Variants in CFAP54 observed in about 807,000 individuals in gnomAD.
CFAP54 encodes the protein cilia and flagella associated protein 54.
CFAP54 carries 290 observed loss-of-function variants against 370.4 expected under a neutral mutation model. The ratio of observed to expected loss-of-function variants is 0.78; its 90% CI spans 0.71 to 0.86. The LOEUF (loss-of-function observed/expected upper bound fraction) is 0.86, where lower values mean the gene tolerates loss of function less well. CFAP54 is among the 40% of genes least tolerant of loss of function. CFAP54 has a pLI of 0.00. For missense variants in CFAP54, 3,399 were observed against 3,528.7 expected (o/e 0.96, Z 0.93); for synonymous variants, 1,206 against 1,236.5 (o/e 0.98, Z 0.52).
intron 17 of CFAP54, among the ~76,000 whole-genome samples, chr12:96,561,773 CTTT>C (rs376442763): frequency 1.1e-5 from 1 of 94,844 alleles, no homozygotes; most frequent in Non-Finnish European, 1.9e-5. Context: ...ATCACAAGTT[CTTT>C]TTTTTTTTTT....
At chr12:96,825,379 G>A (rs11108707) in intron 65 of CFAP54, among the ~76,000 whole-genome samples, 39,269 of 110,148 alleles carry the variant, frequency 0.36, 7,107 homozygotes, top group South Asian at 0.56. Context: ...TGTAACATGT[G>A]TTATATATTA....
Position 96,594,399 on chromosome 12 carries a change from C to A in CFAP54, c.3469C>A (p.Leu1157Ile). The change falls in exon 25 of 68, where the codon CTT becomes ATT. Residue 1157 changes from leucine (L) to isoleucine (I), a missense_variant. By Grantham distance (5) the Leu-to-Ile change is conservative. Transcript: ENST00000524981. Reference protein sequence around the residue: ...LQAVTQCYGLLAPIIYHNIVL... With the variant: ...LQAVTQCYGLIAPIIYHNIVL... The stretch of plus-strand genomic sequence containing the variant: ...AGCTGTGACTCAATGTTATGGACTT[C>A]TTGCTCCCATAATTTATCACAATAT... The A allele has an allele frequency of 6.5e-7, 1 of 1,534,008 alleles. No homozygotes were observed. Among genetic ancestry groups the A allele is most frequent in the Non-Finnish European group, 8.7e-7 (1 of 1,145,404 alleles).
intron 39 of CFAP54, among the ~76,000 whole-genome samples, chr12:96,665,877 G>A (rs1270903318): frequency 2.0e-5 from 3 of 152,146 alleles, no homozygotes; most frequent in Non-Finnish European, 4.4e-5. Flanking sequence ...TAGTTCAATA[G>A]GAATAGCAGT....
intron 39 of CFAP54, among the ~76,000 whole-genome samples, chr12:96,670,058 T>C (rs1251606235): frequency 6.6e-6 from 1 of 152,222 alleles, no homozygotes; most frequent in Non-Finnish European, 1.5e-5. Context: ...GGTTGAATCC[T>C]GGGCTGCTCA....
At chr12:96,519,753 A>G (rs966391872) in intron 6 of CFAP54, among the ~76,000 whole-genome samples, 2 of 152,238 alleles carry the variant, frequency 1.3e-5, no homozygotes, top group African/African-American at 4.8e-5. Context: ...TAACATATTC[A>G]TCTTCTCACA....
rs143672752 is a variant in CFAP54 at position 96,808,307 on chromosome 12, T to C, written c.8851-3429T>C. Among the ~76,000 whole-genome samples, 308 of 152,278 alleles carry C rather than the reference T, an allele frequency of 2.0e-3. 1 individual carries two copies. Among genetic ancestry groups the C allele is most frequent in the African/African-American group, 7.1e-3 (294 of 41,580 alleles). On this transcript the variant is annotated intron_variant, in intron 63 of 67. Coordinates refer to ENST00000524981, the MANE Select transcript of CFAP54 (RefSeq NM_001306084.2). Reference sequence around the variant, plus strand: ...CATTCGTCACTCTATTGCAAATTCCTTCCCCTCTCTCTAAGTTGGGTTCCC... The same window carrying C: ...CATTCGTCACTCTATTGCAAATTCCCTCCCCTCTCTCTAAGTTGGGTTCCC...
At chr12:96,820,890 A>C (rs955807471) in intron 65 of CFAP54, among the ~76,000 whole-genome samples, 1 of 152,166 alleles carries the variant, frequency 6.6e-6, no homozygotes, top group African/African-American at 2.4e-5. Context: ...TTTTTGAGCC[A>C]TGGTCTAGAA....
intron 32 of CFAP54, among the ~76,000 whole-genome samples, chr12:96,643,898 A>C (rs1484526950): frequency 6.6e-6 from 1 of 152,160 alleles, no homozygotes; most frequent in Non-Finnish European, 1.5e-5. Context: ...TTGGTTATGA[A>C]AAATAAAAGC....
chr12:96,656,266 G>A (rs1329557415), intron 36 of CFAP54, among the ~76,000 whole-genome samples: 1 of 151,814 alleles, frequency 6.6e-6, no homozygotes, highest in East Asian at 1.9e-4. Flanking sequence ...ATTTCTCAAT[G>A]TTGCCAAATT....
At chr12:96,711,057 T>C (rs1217669455) in intron 48 of CFAP54, among the ~76,000 whole-genome samples, 1 of 152,222 alleles carries the variant, frequency 6.6e-6, no homozygotes, top group African/African-American at 2.4e-5. Flanking sequence ...TATTTGTGGA[T>C]AGCATTTTGA....
intron 45 of CFAP54, among the ~76,000 whole-genome samples, chr12:96,699,231 C>G (rs1273674460): frequency 6.6e-6 from 1 of 152,216 alleles, no homozygotes; most frequent in Non-Finnish European, 1.5e-5. Flanking sequence ...AATTTCCTAT[C>G]TGCCCCGCAG....
At chr12:96,809,745 A>G (rs1257346308) in intron 63 of CFAP54, among the ~76,000 whole-genome samples, 2 of 152,148 alleles carry the variant, frequency 1.3e-5, no homozygotes, top group Non-Finnish European at 2.9e-5. Context: ...TCATTACAGG[A>G]TAACTGCAGA....
At chr12:96,504,767 A>G (rs1955072858) in intron 3 of CFAP54, among the ~76,000 whole-genome samples, 1 of 152,158 alleles carries the variant, frequency 6.6e-6, no homozygotes, top group Non-Finnish European at 1.5e-5. Context: ...TTGGGAGACA[A>G]TTGAACAGTT....
At chr12:96,862,859 C>T (rs149705364) in intron 67 of CFAP54, among the ~76,000 whole-genome samples, 10 of 152,152 alleles carry the variant, frequency 6.6e-5, no homozygotes, top group African/African-American at 2.2e-4. Context: ...TTGCATTTCT[C>T]AATGGTGAGA....
intron 9 of CFAP54, among the ~76,000 whole-genome samples, chr12:96,532,387 G>A (rs12320486): frequency 0.35 from 53,129 of 151,952 alleles, 10,226 homozygotes; most frequent in Middle Eastern, 0.43. Flanking sequence ...ATGTGTATGC[G>A]AATGCCCATC....
At chr12:96,648,735 C>T (rs535845866) in intron 34 of CFAP54, among the ~76,000 whole-genome samples, 4 of 151,902 alleles carry the variant, frequency 2.6e-5, no homozygotes, top group Admixed American at 6.5e-5. Flanking sequence ...ATTACAGGCA[C>T]GTGCCACCGC....
chr12:96,604,056 G>A (rs1392636313), intron 26 of CFAP54, among the ~76,000 whole-genome samples: 1 of 152,022 alleles, frequency 6.6e-6, no homozygotes, highest in African/African-American at 2.4e-5. Context: ...GGAATTTTTA[G>A]CCCTTCTGCT....
At chr12:96,719,897 T>C (rs11108653) in intron 49 of CFAP54, among the ~76,000 whole-genome samples, 13,069 of 152,308 alleles carry the variant, frequency 0.086, 806 homozygotes, top group South Asian at 0.28. Flanking sequence ...GTGTGTTAGA[T>C]AAGCTTCCTT....
At chr12:96,682,113 T>G in intron 40 of CFAP54, 4 of 919,798 alleles carry the variant, frequency 4.3e-6, no homozygotes, top group Non-Finnish European at 5.2e-6. Flanking sequence ...TTTAAATTGA[T>G]TTATTATTAT....
Sources: gnomAD v4.1 joint callset for allele counts (sites outside exome capture counted in the v4.1 genomes callset) on GRCh38, gnomAD v4.1.1 for gene constraint, MANE v1.5 for transcripts, NCBI Gene and HGNC (gene_info 2026-07-23, HGNC 2026-07-21) for gene names.